The following CSN3 variants were observed in gnomAD, a reference collection of about 807,000 sequenced individuals.
The protein encoded by CSN3 is casein kappa, also known as kappa-casein.
Under a neutral mutation model 9.9 loss-of-function variants are expected in CSN3, and 7 were observed. The ratio of observed to expected loss-of-function variants is 0.71; its 90% CI spans 0.40 to 1.33. CSN3 has a LOEUF of 1.33. CSN3 is among the 40% of genes most tolerant of loss of function. The pLI is 0.01. For synonymous variants in CSN3, 88 were observed against 82.3 expected (o/e 1.07, Z -0.37); for missense variants, 253 against 227.9 (o/e 1.11, Z -0.71).
chr4:70,243,166 C>A, intron 1 of CSN3: 2 of 977,972 alleles, frequency 2.0e-6, no homozygotes, highest in Non-Finnish European at 2.4e-6. Context: ...GTGATGAGGG[C>A]AAATGCAAAT....
intron 2 of CSN3, among the ~76,000 whole-genome samples, chr4:70,246,774 C>T (rs1348595736): frequency 4.7e-5 from 7 of 149,456 alleles, no homozygotes; most frequent in South Asian, 2.1e-4. Context: ...CAGGTTTAAG[C>T]GATTTTCCTG....
At chr4:70,240,927 C>G (rs138474040), upstream of CSN3, among the ~76,000 whole-genome samples, 1 of 151,794 alleles carries the variant, frequency 6.6e-6, no homozygotes, top group East Asian at 1.9e-4. Flanking sequence ...ATGGGTGACA[C>G]CATGGTAAAC....
chr4:70,250,245 T>C (rs1030503946), intron 4 of CSN3, among the ~76,000 whole-genome samples: 15 of 152,012 alleles, frequency 9.9e-5, no homozygotes, highest in African/African-American at 3.6e-4. Context: ...ATCCAAAGAG[T>C]GTAAAATAAT....
Position 70,250,219 on chromosome 4 carries a change from T to C in CSN3, c.*34+726T>C, listed in dbSNP as rs185199698. Among the ~76,000 whole-genome samples the C allele has an allele frequency of 3.2e-3, 486 of 152,306 alleles. 1 individual carries two copies. The highest frequency in any genetic ancestry group is 6.5e-3 in the Admixed American group (100 of 15,288). ...GAAGAATTTAAACAAAGAGAATGAT[T>C]AATAAAGTGGAAAATATCCAAAGAG... On this transcript the variant is annotated intron_variant, in intron 4 of 4. Transcript: ENST00000304954.
chr4:70,242,771 T>G (rs1730298434), intron 1 of CSN3, 106 bp downstream of exon 1: 1 of 152,118 alleles, frequency 6.6e-6, no homozygotes, highest in South Asian at 2.1e-4. Flanking sequence ...TAGTTATTGT[T>G]AAGTTTGAAT....
chr4:70,245,010 A>AT (rs1199898144), intron 2 of CSN3, 137 bp downstream of exon 2: 3 of 398,840 alleles, frequency 7.5e-6, no homozygotes, highest in African/African-American at 2.1e-5. Context: ...TTTAAGGTTA[A>AT]TTTTTTTAAT....
chr4:70,246,671 C>CTTTTTTTTTT (rs11293109), intron 2 of CSN3, among the ~76,000 whole-genome samples: 1 of 125,472 alleles, frequency 8.0e-6, no homozygotes, highest in Non-Finnish European at 1.6e-5. Flanking sequence ...CATATTACTT[C>CTTTTTTTTTT]TTTTTTTTTT....
chr4:70,246,618 T>A (rs1730382104), intron 2 of CSN3, among the ~76,000 whole-genome samples: 1 of 151,832 alleles, frequency 6.6e-6, no homozygotes, highest in Non-Finnish European at 1.5e-5. Flanking sequence ...CATTAAGGTA[T>A]CTAGATTGTC....
chr4:70,249,526 G>T (rs3775737), intron 4 of CSN3, 33 bp downstream of exon 4: 16 of 1,210,600 alleles, frequency 1.3e-5, no homozygotes, highest in South Asian at 8.3e-5. Context: ...GAGTAATTCC[G>T]ACAAGAAGCA....
At chr4:70,251,060 GT>G (rs140267445) in intron 4 of CSN3, among the ~76,000 whole-genome samples, 7 of 151,936 alleles carry the variant, frequency 4.6e-5, no homozygotes, top group African/African-American at 1.7e-4. Flanking sequence ...ATGTAAAAGA[GT>G]TTTTTCTGTA....
chr4:70,244,973 A>G (rs1309971308), intron 2 of CSN3, 100 bp downstream of exon 2: 8 of 550,218 alleles, frequency 1.5e-5, no homozygotes, highest in Middle Eastern at 3.2e-4. Context: ...GCTTCATAGA[A>G]CAAAATATCC....
At chr4:70,242,278 T>TTTTTA (rs200342051), upstream of CSN3, among the ~76,000 whole-genome samples, 510 of 134,434 alleles carry the variant, frequency 3.8e-3, 25 homozygotes, top group Middle Eastern at 0.011. Flanking sequence ...CTGCATTTCT[T>TTTTTA]TTTTATTTTA....
upstream of CSN3, among the ~76,000 whole-genome samples, chr4:70,241,814 T>C (rs1398125287): frequency 1.3e-5 from 2 of 152,010 alleles, no homozygotes; most frequent in East Asian, 1.9e-4. Flanking sequence ...GGATAATAAA[T>C]CACTAAGTAT....
exon 2 of CSN3, chr4:70,244,818 T>A (rs1730343046): frequency 4.5e-6 from 7 of 1,539,208 alleles, no homozygotes; most frequent in Non-Finnish European, 5.2e-6. Context: ...TTAGGTGCAA[T>A]AATGAAGAGT....
chr4:70,249,045 T>A lies in CSN3; in HGVS notation c.135T>A (p.Tyr45Ter), dbSNP rs747200394. The A allele has an allele frequency of 1.2e-6, 2 of 1,612,380 alleles. No individual in the cohort carries two copies. The highest frequency in any genetic ancestry group is 2.2e-5 in the South Asian group (2 of 90,952). ...CATTCTATCAGAAAACAGCTCCATA[T>A]GTCCCAATGTATTATGTGCCAAATA... Residue 45 changes from tyrosine to a stop codon, truncating the protein, a stop_gained, in exon 4 of 5, where the codon TAT becomes TAA. Coordinates refer to ENST00000304954, the Ensembl canonical transcript of CSN3. LOFTEE classifies it high-confidence loss of function.
chr4:70,247,101 T>C (rs1730393473), intron 2 of CSN3, among the ~76,000 whole-genome samples: 1 of 152,200 alleles, frequency 6.6e-6, no homozygotes, highest in African/African-American at 2.4e-5. Context: ...TTCCAAAAGG[T>C]TTCTAGAGTC....
chr4:70,243,865 T>C (rs1730320853), intron 1 of CSN3, among the ~76,000 whole-genome samples: 1 of 152,114 alleles, frequency 6.6e-6, no homozygotes, highest in Non-Finnish European at 1.5e-5. Flanking sequence ...TCTATACTTC[T>C]TATTAAAACA....
exon 2 of CSN3, chr4:70,244,860 C>T: frequency 6.4e-7 from 1 of 1,567,038 alleles, no homozygotes; most frequent in Non-Finnish European, 8.6e-7. Flanking sequence ...CTGGCATTAA[C>T]CCTGCCTTTT....
upstream of CSN3, among the ~76,000 whole-genome samples, chr4:70,240,523 G>A (rs1174786697): frequency 6.6e-6 from 1 of 151,960 alleles, no homozygotes; most frequent in Non-Finnish European, 1.5e-5. Context: ...CAGCACCATC[G>A]CAGCTTCCTT....
Sources: allele counts gnomAD v4.1 joint callset (sites outside exome capture counted in the v4.1 genomes callset), GRCh38; gene constraint gnomAD v4.1.1; transcripts MANE v1.5; gene names NCBI Gene and HGNC (gene_info 2026-07-23, HGNC 2026-07-21).